TGM4: variants seen among roughly 807,000 people sequenced by gnomAD.
The protein encoded by TGM4 is transglutaminase 4.
TGM4 carries 61 observed loss-of-function variants against 76.3 expected under a neutral mutation model. The ratio of observed to expected loss-of-function variants is 0.80; its 90% CI spans 0.65 to 0.99. The LOEUF (loss-of-function observed/expected upper bound fraction) is 0.99, where lower values mean the gene tolerates loss of function less well. Ranked by LOEUF, TGM4 falls within the 50% of genes least tolerant of loss-of-function variation. The probability of loss-of-function intolerance (pLI) is 0.00; values close to 1 mark genes in which losing one functional copy is unlikely to be tolerated. For missense variants in TGM4, 794 were observed against 843.2 expected, an observed-to-expected ratio of 0.94 and a Z score of 0.72; for synonymous variants, 337 against 329.8, an observed-to-expected ratio of 1.02 and a Z score of -0.24.
chr3:44,907,167 A>G lies in TGM4; in HGVS notation c.1294A>G (p.Arg432Gly). ...STKAVGQDRR[R>G]DITYEYKYPE... ...CAAGGCAGTGGGCCAAGACAGGCGG[A>G]GAGATATCACCTATGAGTACAAGTA... The change falls in exon 10 of 14, where the codon AGA becomes GGA. Residue 432 changes from arginine to glycine, a missense_variant. Transcript: ENST00000296125. 1 of 1,614,100 alleles carries G rather than the reference A, an allele frequency of 6.2e-7. No individual in the cohort carries two copies. Among genetic ancestry groups the G allele is most frequent in the Non-Finnish European group, 8.5e-7 (1 of 1,180,022 alleles).
At position 44,906,980 on chromosome 3, in the gene TGM4, C is replaced by T. The variant is rs373670330; in HGVS notation, c.1107C>T (p.Thr369=). The T allele has an allele frequency of 3.7e-5, 60 of 1,613,926 alleles. No homozygotes were observed. The highest frequency in any genetic ancestry group is 6.7e-5 in the East Asian group (3 of 44,864). Residue 369 remains threonine, a synonymous_variant, in exon 10 of 14, where the codon ACC becomes ACT. Transcript: ENST00000296125. ...TCTGCTGTGGGCCATCACCACTGAC[C>T]GCCATCCGCAAAGGTGACATCTTTA... ...GVFCCGPSPL[T]AIRKGDIFIV...
At position 44,911,326 on chromosome 3, in the gene TGM4, T is replaced by C; in HGVS notation, c.1833T>C (p.Asn611=). 1 of 1,614,266 alleles carries C rather than the reference T, an allele frequency of 6.2e-7. No homozygotes were observed. The highest frequency in any genetic ancestry group is 8.5e-7 in the Non-Finnish European group (1 of 1,180,038). ...TTGTCTGCAATTGTATCTTCAAGAA[T>C]ACCCTGGCCATCCCTTTGACTGACG... ...QLLVCNCIFK[N]TLAIPLTDVK... Residue 611 remains asparagine, a synonymous_variant, in exon 13 of 14, where the codon AAT becomes AAC. Coordinates refer to ENST00000296125, the MANE Select transcript of TGM4 (RefSeq NM_003241.4).
At chr3:44,885,526 G>T in intron 2 of TGM4, 28 bp downstream of exon 2, 1 of 1,595,808 alleles carries the variant, frequency 6.3e-7, no homozygotes, top group Non-Finnish European at 8.6e-7. Flanking sequence ...TACTCATGGG[G>T]CTTTGGGGAG....
Position 44,887,782 on chromosome 3 carries a change from AGTCT to A in TGM4, c.289_292del (p.Ser97AlafsTer21), listed in dbSNP as rs1467310113. ...AACTGGCAGGCAACCCTTCAAAATG[AGTCT>A]GGCAAAGAGGTGAGCACCCACTGGG... On this transcript the variant is annotated frameshift_variant, in exon 3 of 14. Transcript: ENST00000296125. LOFTEE classifies it high-confidence loss of function. The A allele has an allele frequency of 1.2e-6, 2 of 1,614,150 alleles. No homozygotes were observed. Among genetic ancestry groups the A allele is most frequent in the Non-Finnish European group, 8.5e-7 (1 of 1,180,024 alleles).
chr3:44,890,708 C>T lies in TGM4; in HGVS notation c.406C>T (p.Leu136Phe). ...TAAGTCTGAAGAAAACATCCTATAC[C>T]TTCTCTTCAACCCATGGTGTAAAGG... ...ILKSEENILY[L>F]LFNPWCKEDM... The change falls in exon 4 of 14, where the codon CTT becomes TTT. Residue 136 changes from leucine to phenylalanine, a missense_variant. Leu to Phe is a conservative substitution (Grantham distance 22). Transcript: ENST00000296125. 1.2e-6 allele frequency: 2 copies of T among 1,614,168 alleles called. No homozygotes were observed. The highest frequency in any genetic ancestry group is 1.7e-6 in the Non-Finnish European group (2 of 1,180,010).
At chr3:44,888,023 C>T (rs1699636950) in intron 3 of TGM4, 1 of 530,474 alleles carries the variant, frequency 1.9e-6, no homozygotes, top group Non-Finnish European at 3.4e-6. Flanking sequence ...CACCCTTCCC[C>T]TTTCCATTTC....
intron 3 of TGM4, among the ~76,000 whole-genome samples, chr3:44,889,875 A>C (rs1484388241): frequency 1.3e-5 from 2 of 152,090 alleles, no homozygotes; most frequent in East Asian, 3.9e-4. Context: ...GTATTAGTCC[A>C]TTCTTGTACT....
chr3:44,910,844 A>G, intron 11 of TGM4, 114 bp from the exon 12 acceptor site: 1 of 1,233,730 alleles, frequency 8.1e-7, no homozygotes, highest in East Asian at 2.4e-5. Flanking sequence ...GACATGTCCA[A>G]AGTTATCCAG....
chr3:44,905,511 CA>C lies in TGM4; in HGVS notation c.1076-1435del, dbSNP rs1699910531. Among the ~76,000 whole-genome samples the C allele has an allele frequency of 2.0e-5, 3 of 152,324 alleles. No homozygotes were observed. The East Asian group carries it at 5.8e-4, about 29-fold the overall frequency. ...GCTGTGAGCCTCATCCCAAGGATAG[CA>C]AATTCATCTGCCCACAGGGCCAGAG... is the stretch of plus-strand genomic sequence containing the variant. On this transcript the variant is annotated intron_variant, in intron 9 of 13. Transcript: ENST00000296125.
chr3:44,902,669 CA>C (rs1408187526), intron 8 of TGM4, among the ~76,000 whole-genome samples: 1 of 151,168 alleles, frequency 6.6e-6, no homozygotes, highest in Non-Finnish European at 1.5e-5. Flanking sequence ...TTTGCCTCTA[CA>C]GGGGAAGGGC....
chr3:44,889,322 C>A (rs576216597), intron 3 of TGM4, among the ~76,000 whole-genome samples: 1 of 152,068 alleles, frequency 6.6e-6, no homozygotes, highest in South Asian at 2.1e-4. Context: ...CTTCTGCCAT[C>A]GCCAGCACCA....
Position 44,910,282 on chromosome 3 carries a change from T to C in TGM4, c.1520T>C (p.Leu507Ser), listed in dbSNP as rs879119199. 13 of 1,614,196 alleles carry C rather than the reference T, an allele frequency of 8.1e-6. No individual in the cohort carries two copies. The South Asian group carries it at 1.3e-4, about 16-fold the overall frequency. The change falls in exon 11 of 14, where the codon TTG becomes TCG. Residue 507 changes from leucine to serine, a missense_variant. By Grantham distance (145) the Leu-to-Ser change is moderately radical (BLOSUM62 -2). Coordinates refer to ENST00000296125, the MANE Select transcript of TGM4 (RefSeq NM_003241.4). ...KTAALQNVNI[L>S]GSFELQLYTG... ...GCTGCCCTACAGAATGTCAACATCT[T>C]GGGCTCCTTTGAACTACAGTTGTAC...
chr3:44,876,184 A>G (rs9833819), intron 1 of TGM4, among the ~76,000 whole-genome samples: 4,927 of 152,276 alleles, frequency 0.032, 170 homozygotes, highest in African/African-American at 0.087. Flanking sequence ...ATTTCATGCC[A>G]CACTATGCTG....
In TGM4 at chr3:44,901,803, G is replaced by A. The variant is rs147739675; in HGVS notation, c.843G>A (p.Ala281=). 5.1e-5 allele frequency: 83 copies of A among 1,613,990 alleles called. No homozygotes were observed. The highest frequency in any genetic ancestry group is 4.4e-4 in the African/African-American group (33 of 74,918). The change falls in exon 8 of 14, where the codon GCG becomes GCA. Residue 281 remains alanine (A), a synonymous_variant. Coordinates refer to ENST00000296125, the MANE Select transcript of TGM4 (RefSeq NM_003241.4). ...CCTGGATCATTTCAGTGCTGAGAGC[G>A]TTGGGCATCCCAGCACGCAGTGTGA... is the stretch of plus-strand genomic sequence containing the variant. ...FAGILTTVLR[A]LGIPARSVTG...
Position 44,893,221 on chromosome 3 carries a change from C to T in TGM4, c.431-356C>T, listed in dbSNP as rs549381708. The stretch of plus-strand genomic sequence containing the variant: ...CAAGGCCAGCTCTCCACCATGTTTA[C>T]CTGCTAGCCCCTGGCATTTCCTGTA... On this transcript the variant is annotated intron_variant, in intron 4 of 13. Transcript: ENST00000296125. Among the ~76,000 whole-genome samples, 163 of 152,306 alleles carry T rather than the reference C, an allele frequency of 1.1e-3. 2 individuals carry two copies. The highest frequency in any genetic ancestry group is 3.9e-3 in the African/African-American group (161 of 41,548).
rs1401924769 is a variant in TGM4, at chr3:44,890,603, G to C, written c.301G>C (p.Val101Leu). 1 of 1,614,008 alleles carries C rather than the reference G, an allele frequency of 6.2e-7. No homozygotes were observed. The highest frequency in any genetic ancestry group is 8.5e-7 in the Non-Finnish European group (1 of 1,179,930). Residue 101 changes from valine (V) to leucine (L), a missense_variant and splice_region_variant, in exon 4 of 14, where the codon GTC (valine) becomes CTC (leucine). Physicochemically the swap from Val to Leu is conservative, Grantham distance 32. Transcript: ENST00000296125. ...CCACCTTATCTTATGGTTTGCTCAG[G>C]TCACAGTGGCTGTCACCAGTTCCCC... ...ATLQNESGKE[V>L]TVAVTSSPNA...
intron 13 of TGM4, among the ~76,000 whole-genome samples, chr3:44,912,480 T>C (rs1487465341): frequency 6.6e-6 from 1 of 152,188 alleles, no homozygotes; most frequent in Non-Finnish European, 1.5e-5. Flanking sequence ...TAATATAACA[T>C]CATACCACTT....
chr3:44,892,688 A>G (rs1699721349), intron 4 of TGM4, among the ~76,000 whole-genome samples: 1 of 152,160 alleles, frequency 6.6e-6, no homozygotes, highest in Non-Finnish European at 1.5e-5. Context: ...TGATTTTATC[A>G]TGTACTTTAT....
intron 8 of TGM4, among the ~76,000 whole-genome samples, chr3:44,902,329 G>T (rs2125757292): frequency 6.6e-6 from 1 of 152,326 alleles, no homozygotes. Context: ...TCTTGGCCAG[G>T]CATGGTGGCA....
Sources: gnomAD v4.1 joint callset for allele counts (sites outside exome capture counted in the v4.1 genomes callset) on GRCh38, gnomAD v4.1.1 for gene constraint, MANE v1.5 for transcripts, NCBI Gene and HGNC (gene_info 2026-07-23, HGNC 2026-07-21) for gene names.